PKIB: variants seen among roughly 807,000 people sequenced by gnomAD.
PKIB encodes the protein cAMP-dependent protein kinase inhibitor beta.
A neutral mutation model predicts 4.5 loss-of-function variants in PKIB; 2 were observed. The ratio of observed to expected loss-of-function variants is 0.44; its 90% CI spans 0.18 to 1.39. PKIB has a LOEUF of 1.39. PKIB is among the 40% of genes most tolerant of loss of function. PKIB has a pLI of 0.27. For missense variants in PKIB, 94 were observed against 92.6 expected, an observed-to-expected ratio of 1.02 and a Z score of -0.06; for synonymous variants, 38 against 36.0, an observed-to-expected ratio of 1.06 and a Z score of -0.20.
intron 1 of PKIB, among the ~76,000 whole-genome samples, chr6:122,622,218 G>C (rs1392198873): frequency 6.6e-6 from 1 of 151,998 alleles, no homozygotes; most frequent in Non-Finnish European, 1.5e-5. Context: ...CCATTTTTTT[G>C]TGTTAGCACA....
intron 2 of PKIB, among the ~76,000 whole-genome samples, chr6:122,655,886 A>G (rs573768998): frequency 1.1e-4 from 16 of 152,276 alleles, no homozygotes; most frequent in African/African-American, 3.8e-4. Flanking sequence ...ATACTGAGAA[A>G]GAAGTAGCTA....
At chr6:122,636,092 A>G (rs1775908195) in intron 2 of PKIB, among the ~76,000 whole-genome samples, 1 of 152,154 alleles carries the variant, frequency 6.6e-6, no homozygotes, top group South Asian at 2.1e-4. Context: ...GATATGGACT[A>G]CTATCATTCT....
At chr6:122,517,650 T>A (rs1776802854) in intron 2 of PKIB, among the ~76,000 whole-genome samples, 1 of 152,216 alleles carries the variant, frequency 6.6e-6, no homozygotes, top group Non-Finnish European at 1.5e-5. Flanking sequence ...ATAACTTTGC[T>A]ACGAAATATC....
chr6:122,628,780 C>G (rs1775571981), intron 1 of PKIB, among the ~76,000 whole-genome samples: 1 of 152,148 alleles, frequency 6.6e-6, no homozygotes. Flanking sequence ...TGACCTGACT[C>G]ACAACATTTT....
chr6:122,558,745 A>G (rs2114668347), intron 2 of PKIB, among the ~76,000 whole-genome samples: 1 of 152,200 alleles, frequency 6.6e-6, no homozygotes, highest in African/African-American at 2.4e-5. Context: ...TTTTTAATCA[A>G]TTGATTAATA....
At chr6:122,587,289 T>A (rs993212392) in intron 3 of PKIB, among the ~76,000 whole-genome samples, 2 of 152,172 alleles carry the variant, frequency 1.3e-5, no homozygotes, top group African/African-American at 4.8e-5. Context: ...TGGTTTTTTA[T>A]CCTTGCGATA....
intron 3 of PKIB, among the ~76,000 whole-genome samples, chr6:122,696,329 A>G (rs973617324): frequency 6.6e-6 from 1 of 152,154 alleles, no homozygotes; most frequent in Non-Finnish European, 1.5e-5. Flanking sequence ...CTAGTGGGAG[A>G]AGAATTCAGG....
At chr6:122,495,225 G>C (rs776189639) in intron 2 of PKIB, among the ~76,000 whole-genome samples, 7 of 152,150 alleles carry the variant, frequency 4.6e-5, no homozygotes, top group Non-Finnish European at 7.4e-5. Flanking sequence ...CAATAGCAAA[G>C]TCCACCCTCT....
At chr6:122,511,534 T>C (rs1364285306) in intron 2 of PKIB, among the ~76,000 whole-genome samples, 1 of 152,176 alleles carries the variant, frequency 6.6e-6, no homozygotes, top group Non-Finnish European at 1.5e-5. Flanking sequence ...GGGTCCCATG[T>C]TGGGTGACAA....
chr6:122,530,474 C>T (rs1234506888), intron 2 of PKIB, among the ~76,000 whole-genome samples: 1 of 151,988 alleles, frequency 6.6e-6, no homozygotes, highest in Non-Finnish European at 1.5e-5. Context: ...TTGATTGTGC[C>T]ATGTTTTTTC....
At chr6:122,638,780 G>C (rs538314803) in intron 2 of PKIB, among the ~76,000 whole-genome samples, 1 of 152,234 alleles carries the variant, frequency 6.6e-6, no homozygotes, top group Admixed American at 6.5e-5. Context: ...CCTGGGGTTT[G>C]GTTAACAGCC....
At chr6:122,722,249 C>G (rs1232822999) in intron 4 of PKIB, among the ~76,000 whole-genome samples, 3 of 152,064 alleles carry the variant, frequency 2.0e-5, no homozygotes, top group Non-Finnish European at 4.4e-5. Context: ...TTCTTTTTAT[C>G]TGCAATCATC....
intron 2 of PKIB, among the ~76,000 whole-genome samples, chr6:122,561,210 C>T (rs138306383): frequency 6.6e-6 from 1 of 151,894 alleles, no homozygotes; most frequent in Admixed American, 6.6e-5. Context: ...ACTGCCTTTG[C>T]TGTATCCCAG....
In PKIB at chr6:122,571,437, G is replaced by A. The variant is rs563559779; in HGVS notation, c.-247-14484G>A. Among the ~76,000 whole-genome samples the A allele has an allele frequency of 2.0e-4, 31 of 152,300 alleles. No homozygotes were observed. The East Asian group carries it at 4.8e-3, about 24-fold the overall frequency. On this transcript the variant is annotated intron_variant, in intron 2 of 6. Transcript: ENST00000392491. ...CCATTGCAAAAAGATTATCACCAAA[G>A]CACGTAGTCATTAAGCTATCTAAAG...
chr6:122,545,812 T>C (rs1772474872), intron 2 of PKIB, among the ~76,000 whole-genome samples: 1 of 150,232 alleles, frequency 6.7e-6, no homozygotes, highest in Non-Finnish European at 1.5e-5. Context: ...AGAAAATAAA[T>C]GAATAAATAA....
At chr6:122,601,109 A>C (rs577472165) in intron 3 of PKIB, among the ~76,000 whole-genome samples, 1 of 152,218 alleles carries the variant, frequency 6.6e-6, no homozygotes. Flanking sequence ...AGAACTATGA[A>C]AAATAAAACA....
chr6:122,568,539 G>A (rs777626423), intron 2 of PKIB, among the ~76,000 whole-genome samples: 12 of 152,186 alleles, frequency 7.9e-5, no homozygotes, highest in African/African-American at 1.2e-4. Context: ...AAAAGTAGAA[G>A]CAGTAGCAGG....
intron 1 of PKIB, among the ~76,000 whole-genome samples, chr6:122,612,184 ATTATT>A (rs1259963470): frequency 6.6e-6 from 1 of 152,166 alleles, no homozygotes; most frequent in East Asian, 1.9e-4. Flanking sequence ...AGTTCTTACA[ATTATT>A]TAAATTCTTA....
At chr6:122,718,989 T>G (rs192591035) in intron 4 of PKIB, among the ~76,000 whole-genome samples, 1 of 149,838 alleles carries the variant, frequency 6.7e-6, no homozygotes, top group Non-Finnish European at 1.5e-5. Context: ...ATAAGAAGAA[T>G]GAAAAGAAGG....
Sources: allele counts gnomAD v4.1 joint callset (sites outside exome capture counted in the v4.1 genomes callset), GRCh38; gene constraint gnomAD v4.1.1; transcripts MANE v1.5; gene names NCBI Gene and HGNC (gene_info 2026-07-23, HGNC 2026-07-21).